Variants in LRP10 observed in about 807,000 individuals in gnomAD.
The protein encoded by LRP10 is LDL receptor related protein 10.
A neutral mutation model predicts 58.5 loss-of-function variants in LRP10; 42 were observed. The ratio of observed to expected loss-of-function variants is 0.72; its 90% CI spans 0.56 to 0.93. The LOEUF (loss-of-function observed/expected upper bound fraction) is 0.93. Ranked by LOEUF, LRP10 falls within the 40% of genes least tolerant of loss-of-function variation. The pLI, the probability that LRP10 is intolerant of heterozygous loss-of-function variation, is 0.00. For synonymous variants in LRP10, 377 were observed against 388.5 expected, an observed-to-expected ratio of 0.97 and a Z score of 0.35; for missense variants, 872 against 940.1, an observed-to-expected ratio of 0.93 and a Z score of 0.95.
At position 22,878,977 on chromosome 14, in the gene LRP10, C is replaced by T; in HGVS notation, c.*1450C>T. 1 of 312,830 alleles carries T rather than the reference C, an allele frequency of 3.2e-6. No individual in the cohort carries two copies. The allele number at this position is 312,830 out of a possible 1,614,324, so 19.4% of individuals were successfully genotyped here. ...TGGGAGTGATGCCTCAGGAACAAAA[C>T]TGAGGAATTCCCTAACGGACCCAGT... On this transcript the variant is annotated 3_prime_UTR_variant, in exon 7 of 7. Coordinates refer to ENST00000359591, the MANE Select transcript of LRP10 (RefSeq NM_014045.5).
Position 22,879,760 on chromosome 14 carries a change from T to C in LRP10, c.*2233T>C, listed in dbSNP as rs1447750566. 6.5e-6 allele frequency: 1 copy of C among 152,858 alleles called. No individual in the cohort carries two copies. Among genetic ancestry groups the C allele is most frequent in the Non-Finnish European group, 1.5e-5 (1 of 68,486 alleles). The allele number at this position is 152,858 out of a possible 1,614,324, so 9.5% of individuals were successfully genotyped here. On this transcript the variant is annotated 3_prime_UTR_variant, in exon 7 of 7. Transcript: ENST00000359591. Reference sequence around the variant, plus strand: ...CTGTACGAGGTGTAGGTAGTAATAATACTCTTGTCAGCCACAGTGAAGCCC... The same window carrying C: ...CTGTACGAGGTGTAGGTAGTAATAACACTCTTGTCAGCCACAGTGAAGCCC...
rs896656987 is a variant in LRP10, at chr14:22,879,561, C to T, written c.*2034C>T. The T allele has an allele frequency of 1.6e-5, 3 of 188,172 alleles. No individual in the cohort carries two copies. Among genetic ancestry groups the T allele is most frequent in the Admixed American group, 1.5e-4 (3 of 19,824 alleles). 11.7% of individuals were successfully genotyped at this position (188,172 alleles called of 1,614,324 possible). A position where few individuals can be genotyped will look rare whatever the true frequency, so the allele number is the denominator to read the frequency against. ...CTTCATCCCTTCATCCAGACCTTTT[C>T]TCTCCTAGTGGTATTGCAAACTGAA... On this transcript the variant is annotated 3_prime_UTR_variant, in exon 7 of 7. Transcript: ENST00000359591.
At position 22,873,459 on chromosome 14, in the gene LRP10, AC is replaced by A. The variant is rs763028851; in HGVS notation, c.215+14del. The A allele has an allele frequency of 2.7e-5, 44 of 1,613,582 alleles. No individual in the cohort carries two copies. The highest frequency in any genetic ancestry group is 3.7e-5 in the Non-Finnish European group (44 of 1,179,824). ...CTGTCACCATCAGGTGAGAAGCAGA[AC>A]AAGAGCAAGAACCCATTCTTCTCCC... On this transcript the variant is annotated intron_variant, in intron 3 of 6. Transcript: ENST00000359591.
rs768021370 is a variant in LRP10, at chr14:22,877,402, C to G, written c.2017C>G (p.Arg673Gly). Residue 673 changes from arginine (R) to glycine (G), a missense_variant, in exon 7 of 7, where the codon CGG (arginine) becomes GGG (glycine). Coordinates refer to ENST00000359591, the MANE Select transcript of LRP10 (RefSeq NM_014045.5). The surrounding 1 kb of genome is among the most constrained non-coding windows in gnomAD (Gnocchi z 5.1). ...CAGCCTGGGGCCCCCAGGACCAACCCGGAGCCCCCCTGGACCCCACACAGC... is the reference window on the plus strand; with the variant it reads ...CAGCCTGGGGCCCCCAGGACCAACCGGGAGCCCCCCTGGACCCCACACAGC... Reference protein sequence around the residue: ...LPSLGPPGPTRSPPGPHTAVL... With the variant: ...LPSLGPPGPTGSPPGPHTAVL... 2 of 1,613,790 alleles carry G rather than the reference C, an allele frequency of 1.2e-6. No homozygotes were observed. The highest frequency in any genetic ancestry group is 3.3e-5 in the Admixed American group (2 of 60,002).
rs769592209 is a variant in LRP10, at chr14:22,871,878, C to T, written c.-426C>T. The T allele has an allele frequency of 2.1e-5, 5 of 239,330 alleles. No individual in the cohort carries two copies. The highest frequency in any genetic ancestry group is 1.5e-3 in the Middle Eastern group (1 of 672). The allele number at this position is 239,330 out of a possible 1,614,324, so 14.8% of individuals were successfully genotyped here. ...GGCTGGACGCGCTGGAGGAGTGGAG[C>T]AGCACCCGGCCGGCCCTGGGGGCTG... On this transcript the variant is annotated 5_prime_UTR_variant, in exon 1 of 7. Transcript: ENST00000359591.
chr14:22,872,274 G>C lies in LRP10; in HGVS notation c.-30G>C. ...ATCGGGTAGACCACAGAAGCTCCGG[G>C]ACCCTTCCGGCACCTCTGGACAGCC... On this transcript the variant is annotated 5_prime_UTR_variant, in exon 1 of 7. Transcript: ENST00000359591. 1 of 1,613,572 alleles carries C rather than the reference G, an allele frequency of 6.2e-7. No homozygotes were observed. The highest frequency in any genetic ancestry group is 8.5e-7 in the Non-Finnish European group (1 of 1,179,566).
intron 3 of LRP10, among the ~76,000 whole-genome samples, chr14:22,874,070 A>C (rs558193108): frequency 1.3e-5 from 2 of 152,206 alleles, no homozygotes; most frequent in Non-Finnish European, 1.5e-5. Flanking sequence ...CATTCATTGC[A>C]TGTCCTGCCT....
chr14:22,875,046 C>T lies in LRP10; in HGVS notation c.216-9C>T, dbSNP rs2138780532. 4 of 1,545,446 alleles carry T rather than the reference C, an allele frequency of 2.6e-6. No individual in the cohort carries two copies. Among genetic ancestry groups the T allele is most frequent in the East Asian group, 2.3e-5 (1 of 44,022 alleles). ...GTATCTCATGTCCTGCTCTCCTCTA[C>T]TCCCATAGGTTCCAGAAGCTACACC... On this transcript the variant is annotated splice_polypyrimidine_tract_variant and intron_variant, in intron 3 of 6. Transcript: ENST00000359591.
chr14:22,876,479 T>C (rs1008514916), intron 5 of LRP10, 107 bp downstream of exon 5: 28 of 1,413,922 alleles, frequency 2.0e-5, no homozygotes, highest in Non-Finnish European at 2.4e-5. Context: ...GAGGCTCCCA[T>C]GATCAGCTTG....
chr14:22,872,681 AG>A (rs1419334127), intron 1 of LRP10, 56 bp from the exon 2 acceptor site: 1 of 1,572,372 alleles, frequency 6.4e-7, no homozygotes, highest in African/African-American at 1.4e-5. Flanking sequence ...GCTCAGGTGA[AG>A]AAGAAAACTC....
rs2273837 is a variant in LRP10 at position 22,873,373 on chromosome 14, C to A, written c.142C>A (p.Arg48=). ...GGGCACCTTACAGAGGCCCCTGGTC[C>A]GGGACAGCCGCACCTCCCCTGCCAA... ...VQGTLQRPLV[R]DSRTSPANCT... Residue 48 remains arginine (R), a synonymous_variant, in exon 3 of 7, where the codon CGG becomes AGG. Transcript: ENST00000359591. 1.2e-6 allele frequency: 2 copies of A among 1,614,040 alleles called. No individual in the cohort carries two copies. Among genetic ancestry groups the A allele is most frequent in the Middle Eastern group, 3.3e-4 (2 of 6,060 alleles).
intron 3 of LRP10, 45 bp from the exon 4 acceptor site, chr14:22,875,009 CA>C: frequency 7.3e-7 from 1 of 1,373,028 alleles, no homozygotes; most frequent in Non-Finnish European, 9.6e-7. Context: ...AGAAAGCCAG[CA>C]GCAGTCAAGA....
Position 22,871,942 on chromosome 14 carries a change from A to G in LRP10, c.-362A>G. ...TTTGGCCCGAAGAGGAAGTGGTCTC[A>G]AACCCCGGCAGGTGGCGACCAGGCC... is the stretch of plus-strand genomic sequence containing the variant. On this transcript the variant is annotated 5_prime_UTR_variant, in exon 1 of 7. Coordinates refer to ENST00000359591, the MANE Select transcript of LRP10 (RefSeq NM_014045.5). 2.6e-6 allele frequency: 1 copy of G among 386,992 alleles called. No homozygotes were observed. Among genetic ancestry groups the G allele is most frequent in the Non-Finnish European group, 4.7e-6 (1 of 213,578 alleles). 24.0% of individuals were successfully genotyped at this position (386,992 alleles called of 1,614,324 possible). A position where few individuals can be genotyped will look rare whatever the true frequency, so the allele number is the denominator to read the frequency against.
Position 22,877,631 on chromosome 14 carries a change from G to A in LRP10, c.*104G>A. 2 of 860,328 alleles carry A rather than the reference G, an allele frequency of 2.3e-6. No individual in the cohort carries two copies. The highest frequency in any genetic ancestry group is 3.4e-6 in the Non-Finnish European group (2 of 581,610). The allele number at this position is 860,328 out of a possible 1,614,324, so 53.3% of individuals were successfully genotyped here. On this transcript the variant is annotated 3_prime_UTR_variant, in exon 7 of 7. Transcript: ENST00000359591. The surrounding 1 kb of genome is among the most constrained non-coding windows in gnomAD (Gnocchi z 5.1). Reference sequence around the variant, plus strand: ...CCTCCCCTCCACCACTTCCTTCCCTGTCCCTGGATTTCAGGGACTTGGTGG... The same window carrying A: ...CCTCCCCTCCACCACTTCCTTCCCTATCCCTGGATTTCAGGGACTTGGTGG...
At position 22,881,564 on chromosome 14, in the gene LRP10, G is replaced by C. The variant is rs2040062280; in HGVS notation, c.*4037G>C. On this transcript the variant is annotated 3_prime_UTR_variant, in exon 7 of 7. Transcript: ENST00000359591. The stretch of plus-strand genomic sequence containing the variant: ...CTTAGACCACTTATAAAATGCATAT[G>C]AGTGCTTTAAATGTTATTTTGTGTG... 6.6e-6 allele frequency: 1 copy of C among 152,188 alleles called. No homozygotes were observed. Among genetic ancestry groups the C allele is most frequent in the African/African-American group, 2.4e-5 (1 of 41,426 alleles). The allele number at this position is 152,188 out of a possible 1,614,324, so 9.4% of individuals were successfully genotyped here.
chr14:22,873,525 TC>T, intron 3 of LRP10, 79 bp downstream of exon 3: 17 of 1,431,306 alleles, frequency 1.2e-5, no homozygotes, highest in South Asian at 8.3e-5. Flanking sequence ...AGGGATCACT[TC>T]TTTTTTTTTT....
chr14:22,876,543 G>C lies in LRP10; in HGVS notation c.1425-146G>C, dbSNP rs1000587796. ...AGATCCTGAAAGCAGTTTCAAGGGA[G>C]GAGGGACCTCAGATGACCTTTGGGA... On this transcript the variant is annotated intron_variant, in intron 5 of 6. Coordinates refer to ENST00000359591, the MANE Select transcript of LRP10 (RefSeq NM_014045.5). 5.3e-6 allele frequency: 7 copies of C among 1,324,282 alleles called. No individual in the cohort carries two copies. The African/African-American group carries it at 1.0e-4, about 19-fold the overall frequency. The allele number at this position is 1,324,282 out of a possible 1,614,324, so 82.0% of individuals were successfully genotyped here.
chr14:22,876,729 C>T lies in LRP10; in HGVS notation c.1465C>T (p.Gln489Ter). ...PLSRMEAEIVQQQAPPSYGQL... is the reference protein window; with the variant it reads ...PLSRMEAEIV ...CTCCCGGATGGAGGCTGAGATTGTG[C>T]AGCAGCAGGCACCCCCTTCCTACGG... Residue 489 changes from glutamine to a stop codon, truncating the protein, a stop_gained, in exon 6 of 7, where the codon CAG becomes TAG. Transcript: ENST00000359591. LOFTEE classifies it high-confidence loss of function. 1 of 1,614,004 alleles carries T rather than the reference C, an allele frequency of 6.2e-7. No individual in the cohort carries two copies. Among genetic ancestry groups the T allele is most frequent in the Non-Finnish European group, 8.5e-7 (1 of 1,179,920 alleles).
In LRP10 at chr14:22,876,824, T is replaced by G; in HGVS notation, c.1554+6T>G. On this transcript the variant is annotated splice_donor_region_variant and intron_variant, in intron 6 of 6. Coordinates refer to ENST00000359591, the MANE Select transcript of LRP10 (RefSeq NM_014045.5). ...CTACAGAGAATCCTAATGATGTAAG[T>G]CACTCCCCACAACCCTAGCACCTCC... is the stretch of plus-strand genomic sequence containing the variant. The G allele has an allele frequency of 6.2e-7, 1 of 1,613,218 alleles. No homozygotes were observed. Among genetic ancestry groups the G allele is most frequent in the South Asian group, 1.1e-5 (1 of 91,010 alleles).
Sources: gnomAD v4.1 joint callset for allele counts (sites outside exome capture counted in the v4.1 genomes callset) on GRCh38, gnomAD v4.1.1 for gene constraint, Gnocchi (gnomAD v3.1) non-coding constraint, MANE v1.5 for transcripts, NCBI Gene and HGNC (gene_info 2026-07-23, HGNC 2026-07-21) for gene names.